The following MACROD2 variants were observed in gnomAD, a reference collection of about 807,000 sequenced individuals.
MACROD2 encodes the protein ADP-ribose glycohydrolase MACROD2.
MACROD2 carries 36 observed loss-of-function variants against 70.4 expected under a neutral mutation model. That is an observed-to-expected ratio of 0.51 (90% confidence interval 0.39 to 0.68). MACROD2 has a LOEUF of 0.68. MACROD2 is among the 30% of genes least tolerant of loss of function. MACROD2 has a pLI of 0.00. For missense variants in MACROD2, 496 were observed against 538.4 expected (o/e 0.92, Z 0.78); for synonymous variants, 172 against 178.8 (o/e 0.96, Z 0.30).
intron 3 of MACROD2, among the ~76,000 whole-genome samples, chr20:14,097,900 C>A (rs921376300): frequency 6.6e-6 from 1 of 152,096 alleles, no homozygotes; most frequent in African/African-American, 2.4e-5. Flanking sequence ...GTTAAACTGT[C>A]AGGAAGCAAA....
rs115348607 is a variant in MACROD2 at position 14,135,014 on chromosome 20, T to C, written c.271+49286T>C. Reference sequence around the variant, plus strand: ...ATTTTTAAAAGCAACTATGTTTAATTATTTCAGGGTTTCATATAACTTTTG... The same window carrying C: ...ATTTTTAAAAGCAACTATGTTTAATCATTTCAGGGTTTCATATAACTTTTG... On this transcript the variant is annotated intron_variant, in intron 3 of 17. Transcript: ENST00000684519. 2.6e-3 allele frequency among the ~76,000 whole-genome samples: 403 copies of C among 152,218 alleles called. 4 individuals carry two copies. The highest frequency in any genetic ancestry group is 8.7e-3 in the African/African-American group (360 of 41,544).
intron 2 of MACROD2, among the ~76,000 whole-genome samples, chr20:14,082,484 G>A (rs753476111): frequency 6.0e-5 from 9 of 150,916 alleles, no homozygotes; most frequent in Non-Finnish European, 1.0e-4. Context: ...GAGCCACCGC[G>A]CCTGGCCCTC....
At chr20:15,442,580 A>T (rs931865641) in intron 7 of MACROD2, among the ~76,000 whole-genome samples, 2 of 151,910 alleles carry the variant, frequency 1.3e-5, no homozygotes, top group African/African-American at 4.8e-5. Flanking sequence ...CATCACTTCC[A>T]CTCACCTTCC....
At chr20:14,283,738 G>A (rs959768003) in intron 3 of MACROD2, among the ~76,000 whole-genome samples, 24 of 152,028 alleles carry the variant, frequency 1.6e-4, no homozygotes, top group African/African-American at 5.8e-4. Flanking sequence ...GACCTCAGGT[G>A]ATCTGCCTAC....
rs2063924332 is a variant in MACROD2, at chr20:15,820,200, A to G, written c.646-42545A>G. Among the ~76,000 whole-genome samples the G allele has an allele frequency of 2.0e-5, 3 of 152,054 alleles. 1 individual carries two copies. In the South Asian group the frequency reaches 6.3e-4, roughly 32 times the overall value. On this transcript the variant is annotated intron_variant, in intron 8 of 17. Coordinates refer to ENST00000684519, the MANE Select transcript of MACROD2 (RefSeq NM_001351661.2). Reference sequence around the variant, plus strand: ...CGTCTTTTTTCTTTTTGGCAGGAGTAGGGGGTGGGGGCGAGGACAGGGTCT... The same window carrying G: ...CGTCTTTTTTCTTTTTGGCAGGAGTGGGGGGTGGGGGCGAGGACAGGGTCT...
intron 5 of MACROD2, among the ~76,000 whole-genome samples, chr20:14,968,775 C>T (rs1568903534): frequency 6.6e-6 from 1 of 152,182 alleles, no homozygotes; most frequent in Non-Finnish European, 1.5e-5. Flanking sequence ...GATTAGATAG[C>T]CATCACCATC....
chr20:15,913,973 T>C (rs1192566333), intron 10 of MACROD2, among the ~76,000 whole-genome samples: 1 of 152,198 alleles, frequency 6.6e-6, no homozygotes, highest in Admixed American at 6.5e-5. Context: ...AAGTGAAATA[T>C]ACTGTTTGTT....
intron 2 of MACROD2, among the ~76,000 whole-genome samples, chr20:14,055,811 T>C (rs1338916756): frequency 6.6e-6 from 1 of 152,088 alleles, no homozygotes; most frequent in Admixed American, 6.6e-5. Context: ...AATTACCTGT[T>C]TACTTGTTTG....
chr20:15,564,038 T>G (rs1290320341), intron 8 of MACROD2, among the ~76,000 whole-genome samples: 1 of 152,194 alleles, frequency 6.6e-6, no homozygotes, highest in Admixed American at 6.5e-5. Context: ...TATGCCCAGA[T>G]TTTTTCCAGA....
Position 15,326,042 on chromosome 20 carries a change from A to G in MACROD2, c.540+95981A>G, listed in dbSNP as rs537578927. ...AGAACAAGTATATAAAAAAGAAAGT[A>G]TGTTTTCTTAATTGCAAAAGTGATG... On this transcript the variant is annotated intron_variant, in intron 6 of 17. Transcript: ENST00000684519. Among the ~76,000 whole-genome samples, 12 of 152,260 alleles carry G rather than the reference A, an allele frequency of 7.9e-5. 1 individual carries two copies. Among genetic ancestry groups the G allele is most frequent in the Admixed American group, 3.3e-4 (5 of 15,262 alleles).
At chr20:14,815,927 C>T (rs747315112) in intron 5 of MACROD2, among the ~76,000 whole-genome samples, 1 of 151,972 alleles carries the variant, frequency 6.6e-6, no homozygotes, top group Non-Finnish European at 1.5e-5. Flanking sequence ...AGTGTTCTCA[C>T]GTTCTATTTG....
At chr20:15,834,043 A>G (rs1462652992) in intron 8 of MACROD2, among the ~76,000 whole-genome samples, 1 of 152,238 alleles carries the variant, frequency 6.6e-6, no homozygotes, top group East Asian at 1.9e-4. Context: ...GAATTAGATT[A>G]TCTACCCAGC....
intron 7 of MACROD2, among the ~76,000 whole-genome samples, chr20:15,490,181 T>C (rs1430306213): frequency 1.4e-5 from 2 of 146,202 alleles, no homozygotes; most frequent in African/African-American, 2.5e-5. Context: ...TTTCCTTCCT[T>C]CCTTCCTTTC....
At chr20:15,672,795 C>T (rs1282390355) in intron 8 of MACROD2, among the ~76,000 whole-genome samples, 2 of 152,062 alleles carry the variant, frequency 1.3e-5, no homozygotes, top group Admixed American at 6.5e-5. Context: ...TTAGCTGTGT[C>T]CCCACCCAAA....
In MACROD2 at chr20:15,850,632, C is replaced by T. The variant is rs189866501; in HGVS notation, c.646-12113C>T. 5.4e-4 allele frequency among the ~76,000 whole-genome samples: 83 copies of T among 152,344 alleles called. No individual in the cohort carries two copies. The East Asian group carries it at 0.014, about 26-fold the overall frequency. ...TCTACCTAGCATTAGGCAAGATAGA[C>T]ATCTGCAGAGATGTGTCTTGGCTCT... On this transcript the variant is annotated intron_variant, in intron 8 of 17. Coordinates refer to ENST00000684519, the MANE Select transcript of MACROD2 (RefSeq NM_001351661.2).
intron 13 of MACROD2, among the ~76,000 whole-genome samples, chr20:15,976,121 T>C (rs899291752): frequency 1.3e-5 from 2 of 152,242 alleles, no homozygotes; most frequent in Non-Finnish European, 2.9e-5. Flanking sequence ...TATATTGTTG[T>C]TGCTATTGTT....
chr20:15,295,595 TCACA>T (rs3223712), intron 6 of MACROD2, among the ~76,000 whole-genome samples: 49,273 of 147,768 alleles, frequency 0.33, 9,023 homozygotes, highest in East Asian at 0.57. Flanking sequence ...ATGTCTGTCA[TCACA>T]CACACACACA....
intron 8 of MACROD2, among the ~76,000 whole-genome samples, chr20:15,500,383 A>G (rs1437391534): frequency 6.6e-6 from 1 of 152,168 alleles, no homozygotes; most frequent in Non-Finnish European, 1.5e-5. Flanking sequence ...AGTATTCATC[A>G]TCCTCCTATT....
intron 5 of MACROD2, among the ~76,000 whole-genome samples, chr20:14,768,890 A>G (rs2072128320): frequency 6.6e-6 from 1 of 152,156 alleles, no homozygotes; most frequent in Admixed American, 6.5e-5. Context: ...CACCTTCTAA[A>G]GAGCACCTTG....
Sources: allele counts gnomAD v4.1 joint callset (sites outside exome capture counted in the v4.1 genomes callset), GRCh38; gene constraint gnomAD v4.1.1; transcripts MANE v1.5; gene names NCBI Gene and HGNC (gene_info 2026-07-23, HGNC 2026-07-21).